Variants in PRRX2 observed in about 807,000 individuals in gnomAD.
PRRX2 encodes the protein paired mesoderm homeobox protein 2.
Under a neutral mutation model 18.0 loss-of-function variants are expected in PRRX2, and 11 were observed. That is an observed-to-expected ratio of 0.61 (90% confidence interval 0.39 to 1.01). The LOEUF is 1.01. PRRX2 is among the 50% of genes least tolerant of loss of function. The pLI is 0.01. For missense variants in PRRX2, 387 were observed against 351.0 expected (o/e 1.10, Z -0.82); for synonymous variants, 177 against 154.8 (o/e 1.14, Z -1.06).
At chr9:129,687,502 C>T (rs1832311266) in intron 1 of PRRX2, among the ~76,000 whole-genome samples, 1 of 152,220 alleles carries the variant, frequency 6.6e-6, no homozygotes, top group Non-Finnish European at 1.5e-5. Flanking sequence ...GGCTGGCAGC[C>T]ACTCCACCGT....
In PRRX2 at chr9:129,715,750, T is replaced by TCTCACACACA. The variant is rs762929485; in HGVS notation, c.260-3480_260-3479insTCACACACAC. On this transcript the variant is annotated intron_variant, in intron 1 of 3. Coordinates refer to ENST00000372469, the MANE Select transcript of PRRX2 (RefSeq NM_016307.4). This position sits in a 1 kb window ranked among gnomAD's most constrained non-coding sequence, Gnocchi z 4.0. ...AAACCCAGCTTCAGGGACATCTTTCTCACACACACACACACACACACACAC... is the reference window on the plus strand; with the variant it reads ...AAACCCAGCTTCAGGGACATCTTTCTCTCACACACACACACACACACACACACACACACAC... Among the ~76,000 whole-genome samples, 1 of 138,862 alleles carries TCTCACACACA rather than the reference T, an allele frequency of 7.2e-6. No homozygotes were observed. Among genetic ancestry groups the TCTCACACACA allele is most frequent in the African/African-American group, 2.7e-5 (1 of 36,808 alleles). The allele number at this position is 138,862 out of a possible 152,430, so 91.1% of individuals were successfully genotyped here.
In PRRX2 at chr9:129,694,768, G is replaced by T. The variant is rs572253288; in HGVS notation, c.260-24463G>T. On this transcript the variant is annotated intron_variant, in intron 1 of 3. Transcript: ENST00000372469. ...GAGGATTCCTCCAAGCTCTGTGTGT[G>T]TGTGTGTTTAAAGTACCTGGCACAT... Among the ~76,000 whole-genome samples the T allele has an allele frequency of 3.3e-5, 5 of 152,304 alleles. No homozygotes were observed. The South Asian group carries it at 8.3e-4, about 25-fold the overall frequency.
chr9:129,693,039 C>G (rs1474185542), intron 1 of PRRX2, among the ~76,000 whole-genome samples: 1 of 152,104 alleles, frequency 6.6e-6, no homozygotes, highest in East Asian at 1.9e-4. Context: ...TTCCTGTTGC[C>G]CCACATCTTC....
At chr9:129,704,841 C>G (rs1174749876) in intron 1 of PRRX2, among the ~76,000 whole-genome samples, 1 of 152,200 alleles carries the variant, frequency 6.6e-6, no homozygotes, top group Non-Finnish European at 1.5e-5. Flanking sequence ...GGGCCCCAGC[C>G]CTCACCCCAA....
chr9:129,682,090 C>T (rs1465099168), intron 1 of PRRX2, among the ~76,000 whole-genome samples: 2 of 152,066 alleles, frequency 1.3e-5, no homozygotes, highest in Non-Finnish European at 1.5e-5. Context: ...TGCCCGTGGC[C>T]TCCTCCTGTG....
intron 1 of PRRX2, among the ~76,000 whole-genome samples, chr9:129,703,350 A>T (rs1390958090): frequency 6.6e-6 from 1 of 152,196 alleles, no homozygotes; most frequent in African/African-American, 2.4e-5. Flanking sequence ...CTGGCTGCAG[A>T]CTATGAGCAG....
chr9:129,666,182 G>GGGGCCA, intron 1 of PRRX2, 56 bp downstream of exon 1: 1 of 990,630 alleles, frequency 1.0e-6, no homozygotes, highest in Non-Finnish European at 1.2e-6. Context: ...GGCCGGGGCC[G>GGGGCCA]GGGCGCGGGG....
chr9:129,702,374 G>A (rs965684622), intron 1 of PRRX2, among the ~76,000 whole-genome samples: 2 of 151,892 alleles, frequency 1.3e-5, no homozygotes, highest in African/African-American at 4.8e-5. Flanking sequence ...CTCCAGCCTG[G>A]GCGACAGAGC....
At chr9:129,697,351 G>C (rs1332429795) in intron 1 of PRRX2, among the ~76,000 whole-genome samples, 3 of 151,918 alleles carry the variant, frequency 2.0e-5, no homozygotes, top group Admixed American at 1.3e-4. Context: ...GCCCCCTCCC[G>C]CCCGGCCGGG....
chr9:129,713,631 TC>T (rs887639788), intron 1 of PRRX2, among the ~76,000 whole-genome samples: 13 of 151,332 alleles, frequency 8.6e-5, no homozygotes, highest in African/African-American at 2.4e-4. Flanking sequence ...TCCTTTTTTT[TC>T]TTTCTTTTTT....
At chr9:129,691,144 G>A (rs1184239661) in intron 1 of PRRX2, among the ~76,000 whole-genome samples, 1 of 147,986 alleles carries the variant, frequency 6.8e-6, no homozygotes, top group Non-Finnish European at 1.5e-5. Context: ...AGACAACATG[G>A]TGAAACCCTG....
chr9:129,714,203 G>T (rs909142213), intron 1 of PRRX2, among the ~76,000 whole-genome samples: 1 of 151,786 alleles, frequency 6.6e-6, no homozygotes, highest in African/African-American at 2.4e-5. Flanking sequence ...TACTCGAGAG[G>T]CTGAGGTAGG....
intron 1 of PRRX2, among the ~76,000 whole-genome samples, chr9:129,684,093 G>A (rs1037386969): frequency 6.6e-5 from 10 of 152,170 alleles, no homozygotes; most frequent in African/African-American, 2.4e-4. Flanking sequence ...AGTCCCTCTG[G>A]CACTGTGCTC....
At chr9:129,690,839 A>C (rs1481291075) in intron 1 of PRRX2, among the ~76,000 whole-genome samples, 1 of 151,608 alleles carries the variant, frequency 6.6e-6, no homozygotes, top group African/African-American at 2.4e-5. Context: ...TGGGCTCTAC[A>C]CCATGAGGCC....
chr9:129,695,886 A>G lies in PRRX2; in HGVS notation c.260-23345A>G, dbSNP rs1331444008. Among the ~76,000 whole-genome samples, 2 of 152,200 alleles carry G rather than the reference A, an allele frequency of 1.3e-5. No individual in the cohort carries two copies. The highest frequency in any genetic ancestry group is 2.9e-5 in the Non-Finnish European group (2 of 68,042). ...TAAACAGAACCTCTGCTGTCATGTA[A>G]GCAGCTCAGAAAAAAACACTCTTCT... On this transcript the variant is annotated intron_variant, in intron 1 of 3. Coordinates refer to ENST00000372469, the MANE Select transcript of PRRX2 (RefSeq NM_016307.4). The surrounding 1 kb of genome is among the most constrained non-coding windows in gnomAD (Gnocchi z 4.8).
At chr9:129,693,598 C>G (rs984033284) in intron 1 of PRRX2, among the ~76,000 whole-genome samples, 3 of 105,260 alleles carry the variant, frequency 2.9e-5, no homozygotes, top group African/African-American at 8.8e-5. Flanking sequence ...AACTCTGTCT[C>G]AAAAAAAAAA....
intron 1 of PRRX2, among the ~76,000 whole-genome samples, chr9:129,698,485 G>T (rs1832457335): frequency 6.6e-6 from 1 of 152,164 alleles, no homozygotes. Context: ...TGAAACACAC[G>T]TGGCAAGAGC....
chr9:129,696,904 G>A (rs1228140220), intron 1 of PRRX2, among the ~76,000 whole-genome samples: 1 of 152,192 alleles, frequency 6.6e-6, no homozygotes, highest in African/African-American at 2.4e-5. Flanking sequence ...GTGCAGCGCG[G>A]ACCCCCCTGG....
chr9:129,685,901 G>A (rs531342585), intron 1 of PRRX2, among the ~76,000 whole-genome samples: 41 of 152,348 alleles, frequency 2.7e-4, no homozygotes, highest in Admixed American at 2.5e-3. Flanking sequence ...TTGAGTTAGT[G>A]ATGGTGGAGT....
Sources: allele counts gnomAD v4.1 joint callset (sites outside exome capture counted in the v4.1 genomes callset), GRCh38; gene constraint gnomAD v4.1.1; non-coding constraint Gnocchi (gnomAD v3.1); transcripts MANE v1.5; gene names NCBI Gene and HGNC (gene_info 2026-07-23, HGNC 2026-07-21).